Variants in CARMIL1 observed in about 807,000 individuals in gnomAD.
CARMIL1 encodes the protein capping protein regulator and myosin 1 linker 1.
CARMIL1 carries 90 observed loss-of-function variants against 177.1 expected under a neutral mutation model. The observed-to-expected ratio is 0.51, with a 90% CI of 0.43 to 0.61. CARMIL1 has a LOEUF of 0.61. Ranked by LOEUF, CARMIL1 falls within the 20% of genes least tolerant of loss-of-function variation. The probability of loss-of-function intolerance (pLI) is 0.00; values close to 1 mark genes in which losing one functional copy is unlikely to be tolerated. For missense variants in CARMIL1, 1,380 were observed against 1,667.0 expected, an observed-to-expected ratio of 0.83 and a Z score of 3.00; for synonymous variants, 577 against 606.2, an observed-to-expected ratio of 0.95 and a Z score of 0.71.
intron 20 of CARMIL1, among the ~76,000 whole-genome samples, chr6:25,514,237 C>T (rs112251588): frequency 6.6e-5 from 10 of 152,076 alleles, no homozygotes; most frequent in Non-Finnish European, 7.4e-5. Flanking sequence ...CACCATACAG[C>T]TTATGGTCAA....
At chr6:25,333,489 C>T (rs1268760173) in intron 2 of CARMIL1, among the ~76,000 whole-genome samples, 1 of 152,182 alleles carries the variant, frequency 6.6e-6, no homozygotes, top group Non-Finnish European at 1.5e-5. Context: ...TCGCTTGAGC[C>T]TGGAAGGTCG....
At chr6:25,598,899 CTT>C (rs1252171966) in intron 32 of CARMIL1, among the ~76,000 whole-genome samples, 2 of 152,128 alleles carry the variant, frequency 1.3e-5, no homozygotes, top group Non-Finnish European at 2.9e-5. Context: ...GCTTTGGAAA[CTT>C]TGATCTCCTG....
At chr6:25,316,222 A>G (rs1224995643) in intron 2 of CARMIL1, among the ~76,000 whole-genome samples, 1 of 152,242 alleles carries the variant, frequency 6.6e-6, no homozygotes, top group Non-Finnish European at 1.5e-5. Flanking sequence ...AAAATTGCAT[A>G]GGGAACACTG....
intron 8 of CARMIL1, among the ~76,000 whole-genome samples, chr6:25,463,055 T>G (rs1448996770): frequency 6.6e-6 from 1 of 152,194 alleles, no homozygotes; most frequent in Non-Finnish European, 1.5e-5. Flanking sequence ...ATCCTCCTCA[T>G]GAATAACTTT....
chr6:25,473,757 T>G (rs1204640272), intron 11 of CARMIL1, among the ~76,000 whole-genome samples: 1 of 152,218 alleles, frequency 6.6e-6, no homozygotes, highest in Non-Finnish European at 1.5e-5. Context: ...ACAGGGCGTA[T>G]ACACCCGGGG....
At chr6:25,347,371 C>T (rs1289989661) in intron 2 of CARMIL1, among the ~76,000 whole-genome samples, 1 of 152,186 alleles carries the variant, frequency 6.6e-6, no homozygotes, top group Non-Finnish European at 1.5e-5. Flanking sequence ...TCTCCTGCCC[C>T]ACTGGCTATT....
At chr6:25,491,110 C>T (rs1339339024) in intron 13 of CARMIL1, among the ~76,000 whole-genome samples, 3 of 152,170 alleles carry the variant, frequency 2.0e-5, no homozygotes, top group Admixed American at 6.5e-5. Context: ...TGATCAGTCT[C>T]ATTATTTTGA....
chr6:25,348,171 A>C (rs9986335), intron 2 of CARMIL1, among the ~76,000 whole-genome samples: 4 of 151,790 alleles, frequency 2.6e-5, no homozygotes, highest in Non-Finnish European at 4.4e-5. Flanking sequence ...ATGGAGTCTC[A>C]CTCTAGGGTG....
At chr6:25,511,299 A>G (rs1035171318) in intron 20 of CARMIL1, among the ~76,000 whole-genome samples, 1 of 152,192 alleles carries the variant, frequency 6.6e-6, no homozygotes, top group African/African-American at 2.4e-5. Flanking sequence ...AAAGAAGTTT[A>G]ATTTCAAATA....
rs1374401347 is a variant in CARMIL1, at chr6:25,537,987, A to C, written c.2196+4A>C. 1 of 1,597,346 alleles carries C rather than the reference A, an allele frequency of 6.3e-7. No individual in the cohort carries two copies. Among genetic ancestry groups the C allele is most frequent in the Non-Finnish European group, 8.5e-7 (1 of 1,172,190 alleles). ...TGATGCTAAGAACTCTAAAACGGTGAGTTTCACTTCAGGCTGTGTGAGAGT... is the reference window on the plus strand; with the variant it reads ...TGATGCTAAGAACTCTAAAACGGTGCGTTTCACTTCAGGCTGTGTGAGAGT... On this transcript the variant is annotated splice_donor_region_variant and intron_variant, in intron 25 of 36. Transcript: ENST00000329474.
At chr6:25,452,171 T>C (rs1799031199) in intron 8 of CARMIL1, 1 of 764,810 alleles carries the variant, frequency 1.3e-6, no homozygotes, top group Non-Finnish European at 2.4e-6. Flanking sequence ...TGAAGCAGGC[T>C]CAGCTGTGTC....
At chr6:25,416,212 G>A (rs1795345791) in intron 2 of CARMIL1, among the ~76,000 whole-genome samples, 2 of 152,072 alleles carry the variant, frequency 1.3e-5, no homozygotes, top group Admixed American at 6.6e-5. Context: ...GTCATTTTAC[G>A]TGTTTGCTTC....
chr6:25,394,445 A>T (rs2149228), intron 2 of CARMIL1, among the ~76,000 whole-genome samples: 20,804 of 152,284 alleles, frequency 0.14, 1,654 homozygotes, highest in East Asian at 0.32. Flanking sequence ...AATCTGGTAA[A>T]CACTTGAGTA....
At chr6:25,372,422 C>T (rs1283668504) in intron 2 of CARMIL1, among the ~76,000 whole-genome samples, 4 of 152,068 alleles carry the variant, frequency 2.6e-5, no homozygotes, top group African/African-American at 9.7e-5. Flanking sequence ...TGATTTCCTT[C>T]AGCAGTGTTT....
At chr6:25,484,650 G>A (rs549588516) in intron 12 of CARMIL1, among the ~76,000 whole-genome samples, 49 of 152,278 alleles carry the variant, frequency 3.2e-4, no homozygotes, top group African/African-American at 1.1e-3. Context: ...AGATTTAGAA[G>A]ATGCTAAAAA....
chr6:25,395,266 G>C (rs192917203), intron 2 of CARMIL1, among the ~76,000 whole-genome samples: 25 of 152,308 alleles, frequency 1.6e-4, no homozygotes, highest in Non-Finnish European at 3.2e-4. Context: ...GGACGTACAG[G>C]ATACAGAAAC....
At chr6:25,310,982 A>G (rs1269888995) in intron 2 of CARMIL1, among the ~76,000 whole-genome samples, 1 of 152,028 alleles carries the variant, frequency 6.6e-6, no homozygotes, top group African/African-American at 2.4e-5. Context: ...GGAGGTTGAG[A>G]CCAGCCTGGC....
chr6:25,373,392 C>CT (rs36050000), intron 2 of CARMIL1, among the ~76,000 whole-genome samples: 56 of 122,898 alleles, frequency 4.6e-4, no homozygotes, highest in East Asian at 2.8e-3. Flanking sequence ...TGGCCTTCGG[C>CT]TTTTTTTTTT....
intron 10 of CARMIL1, among the ~76,000 whole-genome samples, chr6:25,471,470 T>C (rs1236794509): frequency 6.6e-6 from 1 of 152,138 alleles, no homozygotes; most frequent in Non-Finnish European, 1.5e-5. Context: ...CTTGATATTT[T>C]TGAGAGTACA....
Sources: gnomAD v4.1 joint callset for allele counts (sites outside exome capture counted in the v4.1 genomes callset) on GRCh38, gnomAD v4.1.1 for gene constraint, MANE v1.5 for transcripts, NCBI Gene and HGNC (gene_info 2026-07-23, HGNC 2026-07-21) for gene names.